The following UBE3D variants were observed in gnomAD, a reference collection of about 807,000 sequenced individuals.
UBE3D encodes the protein E3 ubiquitin-protein ligase E3D.
UBE3D carries 48 observed loss-of-function variants against 49.6 expected under a neutral mutation model. That is an observed-to-expected ratio of 0.97 (90% CI 0.77 to 1.23). The LOEUF (loss-of-function observed/expected upper bound fraction) is 1.23, where lower values mean the gene tolerates loss of function less well. UBE3D is among the 50% of genes most tolerant of loss of function. UBE3D has a pLI of 0.00. For synonymous variants in UBE3D, 189 were observed against 174.2 expected, an observed-to-expected ratio of 1.08 and a Z score of -0.67; for missense variants, 452 against 468.4, an observed-to-expected ratio of 0.96 and a Z score of 0.32.
intron 9 of UBE3D, among the ~76,000 whole-genome samples, chr6:82,912,289 TAGTC>T (rs1268348834): frequency 3.9e-5 from 6 of 152,186 alleles, no homozygotes; most frequent in Non-Finnish European, 7.3e-5. Flanking sequence ...CCTTCGAGCT[TAGTC>T]AGTTATTCTA....
intron 8 of UBE3D, among the ~76,000 whole-genome samples, chr6:82,974,604 C>G (rs1459325981): frequency 6.6e-6 from 1 of 151,664 alleles, no homozygotes; most frequent in Non-Finnish European, 1.5e-5. Flanking sequence ...TTGGCTTAAT[C>G]CTCTGATGAG....
At chr6:83,041,743 A>G (rs1299847272) in intron 4 of UBE3D, among the ~76,000 whole-genome samples, 1 of 152,194 alleles carries the variant, frequency 6.6e-6, no homozygotes, top group Non-Finnish European at 1.5e-5. Context: ...GCAACTAATA[A>G]TTACTAAGTA....
chr6:83,060,731 T>C (rs181115645), intron 1 of UBE3D, among the ~76,000 whole-genome samples: 4 of 152,164 alleles, frequency 2.6e-5, no homozygotes, highest in African/African-American at 7.2e-5. Context: ...TGCTGGAACA[T>C]GAAGAAATCA....
In UBE3D at chr6:82,988,962, T is replaced by G. The variant is rs368308593; in HGVS notation, c.1010+30011A>C. On this transcript the variant is annotated intron_variant, in intron 8 of 9. Transcript: ENST00000369747. ...GGAAGAATCAATCAGTAACTCTTAG[T>G]GACAAGTGAGTTCACAACACTACAC... 9.2e-5 allele frequency among the ~76,000 whole-genome samples: 14 copies of G among 152,130 alleles called. No homozygotes were observed. The East Asian group carries it at 2.5e-3, about 27-fold the overall frequency.
intron 9 of UBE3D, among the ~76,000 whole-genome samples, chr6:82,933,472 C>T (rs1289147896): frequency 2.0e-5 from 3 of 152,228 alleles, no homozygotes; most frequent in African/African-American, 7.2e-5. Context: ...CCACTGACAA[C>T]ATTTAGCAGA....
chr6:82,892,978 T>C lies in UBE3D; in HGVS notation c.*44A>G. Reference sequence around the variant, plus strand: ...ACTGCTGGCCTCGGTGTGCTCCTGCTTGAGAGCTGTCTGCCGGGGGAGGAG... The same window carrying C: ...ACTGCTGGCCTCGGTGTGCTCCTGCCTGAGAGCTGTCTGCCGGGGGAGGAG... On this transcript the variant is annotated 3_prime_UTR_variant, in exon 10 of 10. Transcript: ENST00000369747. 1 of 1,613,146 alleles carries C rather than the reference T, an allele frequency of 6.2e-7. No individual in the cohort carries two copies.
At chr6:83,064,570 T>C (rs1297507441) in intron 1 of UBE3D, among the ~76,000 whole-genome samples, 1 of 152,164 alleles carries the variant, frequency 6.6e-6, no homozygotes, top group Non-Finnish European at 1.5e-5. Context: ...GAAAGGCCCC[T>C]GCATGAGAGG....
At chr6:82,885,026 C>G in the UBE3D span, among the ~76,000 whole-genome samples, 1 of 152,110 alleles carries the variant, frequency 6.6e-6, no homozygotes, top group African/African-American at 2.4e-5. Context: ...AAAAAGATCT[C>G]ATTTAAAAAT....
At chr6:82,896,205 A>G (rs1043428163) in intron 9 of UBE3D, among the ~76,000 whole-genome samples, 1 of 152,108 alleles carries the variant, frequency 6.6e-6, no homozygotes, top group African/African-American at 2.4e-5. Context: ...AAGAAAAATT[A>G]CTTCCCCTAA....
At chr6:83,008,275 G>A (rs1263828869) in intron 8 of UBE3D, among the ~76,000 whole-genome samples, 1 of 152,100 alleles carries the variant, frequency 6.6e-6, no homozygotes, top group Non-Finnish European at 1.5e-5. Context: ...ATTACTCCCA[G>A]TCTACACATG....
chr6:83,054,084 C>A (rs1426497705), intron 3 of UBE3D, 64 bp downstream of exon 3: 14 of 1,406,880 alleles, frequency 1.0e-5, no homozygotes, highest in Non-Finnish European at 1.3e-5. Flanking sequence ...TTGAAAAATT[C>A]TGATAGAAAA....
downstream of UBE3D, chr6:82,892,359 G>C (rs1010062158): frequency 1.9e-5 from 3 of 154,218 alleles, no homozygotes; most frequent in Non-Finnish European, 4.3e-5. Context: ...CTCACCGCTT[G>C]TGCTGGTACA....
chr6:82,992,479 T>C (rs1778960853), intron 8 of UBE3D, among the ~76,000 whole-genome samples: 1 of 152,202 alleles, frequency 6.6e-6, no homozygotes, highest in South Asian at 2.1e-4. Context: ...TGCCTTGGTC[T>C]CCCAAAGTGC....
chr6:82,915,702 A>C (rs189360572), intron 9 of UBE3D, among the ~76,000 whole-genome samples: 184 of 152,344 alleles, frequency 1.2e-3, no homozygotes, highest in African/African-American at 4.4e-3. Context: ...AGCTGGGCTT[A>C]CAAACAGTAA....
At chr6:82,923,554 T>C (rs937644735) in intron 9 of UBE3D, among the ~76,000 whole-genome samples, 3 of 151,062 alleles carry the variant, frequency 2.0e-5, no homozygotes, top group African/African-American at 7.3e-5. Flanking sequence ...CACCAGAGCC[T>C]GGGGCCCTGT....
At chr6:82,887,709 C>T (rs115829917), downstream of UBE3D, among the ~76,000 whole-genome samples, 1 of 71,842 alleles carries the variant, frequency 1.4e-5, no homozygotes, top group Non-Finnish European at 2.4e-5. Flanking sequence ...ACTCCATCCC[C>T]CCAAAAAAAA....
rs143619949 is a variant in UBE3D at position 82,947,234 on chromosome 6, A to G, written c.1149+10078T>C. Among the ~76,000 whole-genome samples, 438 of 152,192 alleles carry G rather than the reference A, an allele frequency of 2.9e-3. 3 individuals are homozygous for G. The highest frequency in any genetic ancestry group is 0.014 in the Middle Eastern group (4 of 294). On this transcript the variant is annotated intron_variant, in intron 9 of 9. Coordinates refer to ENST00000369747, the MANE Select transcript of UBE3D (RefSeq NM_198920.3). ...TCATTATATAATGATAAAAGGGTCCATTCAGCAAAATGATATAATGATTGT... is the reference window on the plus strand; with the variant it reads ...TCATTATATAATGATAAAAGGGTCCGTTCAGCAAAATGATATAATGATTGT...
chr6:82,950,814 G>C (rs1364846047), intron 9 of UBE3D, among the ~76,000 whole-genome samples: 1 of 152,146 alleles, frequency 6.6e-6, no homozygotes, highest in Non-Finnish European at 1.5e-5. Flanking sequence ...AACATGGATG[G>C]AACTGGAGGT....
chr6:83,050,787 A>T (rs943531716), intron 3 of UBE3D, among the ~76,000 whole-genome samples: 1 of 152,206 alleles, frequency 6.6e-6, no homozygotes, highest in African/African-American at 2.4e-5. Context: ...CATGCTACCT[A>T]AGAGTTACAG....
Sources: gnomAD v4.1 joint callset for allele counts (sites outside exome capture counted in the v4.1 genomes callset) on GRCh38, gnomAD v4.1.1 for gene constraint, MANE v1.5 for transcripts, NCBI Gene and HGNC (gene_info 2026-07-23, HGNC 2026-07-21) for gene names.